Variants in IL12RB2 observed in about 807,000 individuals in gnomAD.
IL12RB2 encodes the protein interleukin-12 receptor subunit beta-2.
In IL12RB2, 82 loss-of-function variants were observed where a neutral mutation model predicts 89.4. The ratio of observed to expected loss-of-function variants is 0.92; its 90% CI spans 0.77 to 1.10. The LOEUF is 1.10. IL12RB2 is among the 50% of genes least tolerant of loss of function. The pLI is 0.00. For synonymous variants in IL12RB2, 368 were observed against 370.1 expected (o/e 0.99, Z 0.07); for missense variants, 963 against 1,031.9 (o/e 0.93, Z 0.92).
Position 67,343,532 on chromosome 1 carries a change from G to T in IL12RB2, c.1038+4829G>T, listed in dbSNP as rs368811687. 7.9e-5 allele frequency among the ~76,000 whole-genome samples: 12 copies of T among 152,276 alleles called. No individual in the cohort carries two copies. In the East Asian group the frequency reaches 9.6e-4, roughly 12 times the overall value. ...TTGCTTGATTACGAATAGCCCCAGG[G>T]TTGGATTAGGCCCCTTTACAAAAGG... On this transcript the variant is annotated intron_variant, in intron 9 of 16. Coordinates refer to ENST00000674203, the MANE Select transcript of IL12RB2 (RefSeq NM_001374259.2).
At chr1:67,379,289 T>C (rs907222981) in intron 13 of IL12RB2, among the ~76,000 whole-genome samples, 9 of 150,768 alleles carry the variant, frequency 6.0e-5, no homozygotes, top group Admixed American at 2.6e-4. Context: ...GCAGGCAGAT[T>C]ACTTGAGGTC....
chr1:67,383,740 T>TA (rs1664847243), intron 14 of IL12RB2, among the ~76,000 whole-genome samples: 1 of 152,220 alleles, frequency 6.6e-6, no homozygotes, highest in African/African-American at 2.4e-5. Context: ...AGCCTAGTGT[T>TA]CCATTATTGG....
At chr1:67,384,719 A>G (rs1664958703) in intron 14 of IL12RB2, among the ~76,000 whole-genome samples, 3 of 152,116 alleles carry the variant, frequency 2.0e-5, no homozygotes, top group South Asian at 2.1e-4. Flanking sequence ...GATATCCTAA[A>G]TCATCTCTCT....
At chr1:67,394,993 C>T (rs1467621584) in intron 16 of IL12RB2, among the ~76,000 whole-genome samples, 1 of 152,098 alleles carries the variant, frequency 6.6e-6, no homozygotes, top group Non-Finnish European at 1.5e-5. Flanking sequence ...CGGGGCTGGG[C>T]ATGGTGGCTC....
intron 4 of IL12RB2, among the ~76,000 whole-genome samples, chr1:67,326,451 G>T (rs1039769779): frequency 6.6e-6 from 1 of 152,060 alleles, no homozygotes; most frequent in Non-Finnish European, 1.5e-5. Context: ...TATAATAATA[G>T]TATCTACCTC....
At chr1:67,367,278 T>G (rs749882392) in intron 10 of IL12RB2, among the ~76,000 whole-genome samples, 7 of 151,874 alleles carry the variant, frequency 4.6e-5, no homozygotes, top group African/African-American at 1.7e-4. Context: ...ACCCGTGGTC[T>G]CAGCTACTCA....
chr1:67,359,373 T>G (rs138385554), intron 10 of IL12RB2, among the ~76,000 whole-genome samples: 1 of 152,322 alleles, frequency 6.6e-6, no homozygotes, highest in East Asian at 1.9e-4. Context: ...AAATCACTTA[T>G]GAACCTTGAC....
At chr1:67,336,908 A>G (rs1658842844) in intron 8 of IL12RB2, among the ~76,000 whole-genome samples, 2 of 152,178 alleles carry the variant, frequency 1.3e-5, no homozygotes, top group East Asian at 1.9e-4. Context: ...CTTGCTGAGC[A>G]CTCACCATGT....
intron 3 of IL12RB2, among the ~76,000 whole-genome samples, 196 bp from the exon 4 acceptor site, chr1:67,321,406 A>G (rs1178854901): frequency 2.0e-5 from 3 of 152,170 alleles, no homozygotes; most frequent in African/African-American, 4.8e-5. Flanking sequence ...TTTTCATTCA[A>G]ATACAGTTAG....
At chr1:67,362,428 C>T (rs558177583) in intron 10 of IL12RB2, among the ~76,000 whole-genome samples, 5 of 147,490 alleles carry the variant, frequency 3.4e-5, no homozygotes, top group Non-Finnish European at 7.5e-5. Context: ...TAGCCGGGCG[C>T]GGTGGCGGGC....
chr1:67,338,667 T>C lies in IL12RB2; in HGVS notation c.1002T>C (p.Ile334=). The change falls in exon 9 of 17, where the codon ATT becomes ATC. Residue 334 remains isoleucine, a synonymous_variant. Coordinates refer to ENST00000674203, the MANE Select transcript of IL12RB2 (RefSeq NM_001374259.2). ...ATGTCTGGTACATGAAACGGCACAT[T>C]GACTACAGTAGACAACAGATTTCTC... ...MLDVWYMKRH[I]DYSRQQISLF... is the part of the protein sequence containing the mutation. 6.4e-7 allele frequency: 1 copy of C among 1,559,344 alleles called. No individual in the cohort carries two copies. The highest frequency in any genetic ancestry group is 8.8e-7 in the Non-Finnish European group (1 of 1,130,146).
At chr1:67,381,400 G>T (rs535669909) in intron 14 of IL12RB2, among the ~76,000 whole-genome samples, 1 of 152,120 alleles carries the variant, frequency 6.6e-6, no homozygotes, top group African/African-American at 2.4e-5. Context: ...AGACTTTGTT[G>T]TTCTATGCCA....
chr1:67,374,279 T>C (rs918656366), intron 13 of IL12RB2, among the ~76,000 whole-genome samples: 2 of 152,086 alleles, frequency 1.3e-5, no homozygotes, highest in East Asian at 3.9e-4. Context: ...ACAGAACATA[T>C]CACTGATCAG....
chr1:67,315,314 T>C (rs750315258), intron 2 of IL12RB2, among the ~76,000 whole-genome samples: 4 of 152,174 alleles, frequency 2.6e-5, no homozygotes, highest in Non-Finnish European at 5.9e-5. Context: ...TATTTTACTA[T>C]TTGGAGAATG....
intron 13 of IL12RB2, among the ~76,000 whole-genome samples, chr1:67,373,397 A>G (rs1663586938): frequency 6.6e-6 from 1 of 152,272 alleles, no homozygotes; most frequent in Non-Finnish European, 1.5e-5. Flanking sequence ...GGCATGGGCC[A>G]CAGCGCCCCG....
intron 10 of IL12RB2, among the ~76,000 whole-genome samples, chr1:67,362,001 T>A (rs1662102676): frequency 6.6e-6 from 1 of 152,248 alleles, no homozygotes; most frequent in African/African-American, 2.4e-5. Context: ...CCTGGCGCGG[T>A]GGCTCACGCG....
intron 10 of IL12RB2, among the ~76,000 whole-genome samples, chr1:67,366,400 G>A (rs1012223135): frequency 2.8e-5 from 4 of 141,318 alleles, no homozygotes; most frequent in South Asian, 4.5e-4. Flanking sequence ...GCAGTGAGCC[G>A]AGATGGTGCC....
chr1:67,350,771 G>T, intron 9 of IL12RB2, 99 bp from the exon 10 acceptor site: 1 of 1,559,214 alleles, frequency 6.4e-7, no homozygotes, highest in African/African-American at 1.4e-5. Flanking sequence ...AGGTCACTCA[G>T]CTGTAGCTGC....
At chr1:67,338,574 T>C (rs756830105) in intron 8 of IL12RB2, 50 bp from the exon 9 acceptor site, 3 of 882,284 alleles carry the variant, frequency 3.4e-6, no homozygotes, top group Admixed American at 3.4e-5. Context: ...CAGTTAACTT[T>C]CAAAGTAGTA....
Sources: allele counts gnomAD v4.1 joint callset (sites outside exome capture counted in the v4.1 genomes callset), GRCh38; gene constraint gnomAD v4.1.1; transcripts MANE v1.5; gene names NCBI Gene and HGNC (gene_info 2026-07-23, HGNC 2026-07-21).